BACH1: variants seen among roughly 807,000 people sequenced by gnomAD.
The protein encoded by BACH1 is transcription regulator protein BACH1.
Under a neutral mutation model 52.9 loss-of-function variants are expected in BACH1, and 35 were observed. The ratio of observed to expected loss-of-function variants is 0.66; its 90% CI spans 0.51 to 0.88. The LOEUF is 0.88. Ranked by LOEUF, BACH1 falls within the 40% of genes least tolerant of loss-of-function variation. The pLI is 0.00. For synonymous variants in BACH1, 321 were observed against 319.6 expected (o/e 1.00, Z -0.05); for missense variants, 808 against 872.6 (o/e 0.93, Z 0.93).
Position 29,344,448 on chromosome 21 carries a change from TGATCAG to T in BACH1, c.*1617_*1622del, listed in dbSNP as rs1330238197. ...GTAATTTGTCAAATGTTACCCTTTT[TGATCAG>T]GGTGTAGGGGGAGGATATTGCTAGT... On this transcript the variant is annotated 3_prime_UTR_variant, in exon 5 of 5. Transcript: ENST00000286800. 1 of 152,668 alleles carries T rather than the reference TGATCAG, an allele frequency of 6.6e-6. No individual in the cohort carries two copies. Among genetic ancestry groups the T allele is most frequent in the Non-Finnish European group, 1.5e-5 (1 of 68,038 alleles). The allele number at this position is 152,668 out of a possible 1,614,324, so 9.5% of individuals were successfully genotyped here.
chr21:29,337,964 A>C (rs1166022138), intron 4 of BACH1, among the ~76,000 whole-genome samples: 1 of 151,946 alleles, frequency 6.6e-6, no homozygotes, highest in Non-Finnish European at 1.5e-5. Context: ...AAAACAAAAA[A>C]AACGAGTTAA....
intron 4 of BACH1, among the ~76,000 whole-genome samples, chr21:29,338,331 A>G (rs1230650280): frequency 6.6e-6 from 1 of 152,168 alleles, no homozygotes; most frequent in Non-Finnish European, 1.5e-5. Context: ...TGTGTTACCA[A>G]TTTGGCATAC....
intron 3 of BACH1, among the ~76,000 whole-genome samples, chr21:29,327,856 A>G (rs2088933101): frequency 6.6e-6 from 1 of 152,186 alleles, no homozygotes; most frequent in African/African-American, 2.4e-5. Context: ...TAAATACCAA[A>G]AGAGAGAGAT....
chr21:29,335,912 C>G (rs945483092), intron 4 of BACH1, among the ~76,000 whole-genome samples: 2 of 152,150 alleles, frequency 1.3e-5, no homozygotes, highest in African/African-American at 2.4e-5. Context: ...TTGAAAGCTA[C>G]CATATTATGA....
rs1438300098 is a variant in BACH1, at chr21:29,345,723, A to G, written c.*2890A>G. 1.3e-5 allele frequency: 2 copies of G among 152,648 alleles called. No homozygotes were observed. The highest frequency in any genetic ancestry group is 4.8e-5 in the African/African-American group (2 of 41,472). The allele number at this position is 152,648 out of a possible 1,614,324, so 9.5% of individuals were successfully genotyped here. On this transcript the variant is annotated 3_prime_UTR_variant, in exon 5 of 5. Coordinates refer to ENST00000286800, the MANE Select transcript of BACH1 (RefSeq NM_001186.4). Reference sequence around the variant, plus strand: ...CTCAGTCACATTAACAACTTGGGAAAAAAATGGCAATGTTACGGTGAATTC... The same window carrying G: ...CTCAGTCACATTAACAACTTGGGAAGAAAATGGCAATGTTACGGTGAATTC...
chr21:29,330,490 A>C (rs1405935355), intron 4 of BACH1, among the ~76,000 whole-genome samples: 1 of 152,034 alleles, frequency 6.6e-6, no homozygotes, highest in Non-Finnish European at 1.5e-5. Flanking sequence ...CTTATTTTCT[A>C]TTCCAGCATC....
intron 4 of BACH1, among the ~76,000 whole-genome samples, chr21:29,338,935 T>C (rs1339366730): frequency 6.6e-6 from 1 of 152,212 alleles, no homozygotes; most frequent in Non-Finnish European, 1.5e-5. Context: ...TTTTCTGTAC[T>C]TTTTAAACTT....
intron 1 of BACH1, among the ~76,000 whole-genome samples, chr21:29,307,240 T>C (rs2088668827): frequency 6.6e-6 from 1 of 152,252 alleles, no homozygotes. Flanking sequence ...AAGGGAAAGC[T>C]GTCCCGTAGT....
chr21:29,352,147 T>TG (rs987642894), intron 2 of BACH1, among the ~76,000 whole-genome samples: 1 of 151,508 alleles, frequency 6.6e-6, no homozygotes, highest in Non-Finnish European at 1.5e-5. Context: ...CTCTGCCTCC[T>TG]GGGTTCAAGC....
At chr21:29,339,444 G>T (rs563996404) in intron 4 of BACH1, among the ~76,000 whole-genome samples, 53 of 152,052 alleles carry the variant, frequency 3.5e-4, no homozygotes, top group South Asian at 1.0e-3. Context: ...ACTTACTAAG[G>T]AACTATTAGT....
chr21:29,350,068 C>T (rs542998411), downstream of BACH1, among the ~76,000 whole-genome samples: 106 of 152,256 alleles, frequency 7.0e-4, no homozygotes, highest in African/African-American at 2.5e-3. Flanking sequence ...CAAGCCACAA[C>T]GATCCTCTAG....
intron 4 of BACH1, 133 bp from the exon 5 acceptor site, chr21:29,342,266 T>A: frequency 1.1e-6 from 1 of 893,312 alleles, no homozygotes; most frequent in Non-Finnish European, 1.7e-6. Context: ...AATGTATAAT[T>A]GAATGGAATT....
At chr21:29,299,539 C>T (rs1484881991) in intron 1 of BACH1, 1 of 152,246 alleles carries the variant, frequency 6.6e-6, no homozygotes, top group Non-Finnish European at 1.5e-5. Context: ...GACCGGAGAG[C>T]CCAGGACTCC....
intron 4 of BACH1, among the ~76,000 whole-genome samples, 175 bp downstream of exon 4, chr21:29,329,868 AAAG>A (rs1367765297): frequency 1.3e-5 from 2 of 152,276 alleles, no homozygotes; most frequent in African/African-American, 2.4e-5. Context: ...TGCTTTTTAA[AAAG>A]AAGGTTTTCA....
intron 2 of BACH1, among the ~76,000 whole-genome samples, chr21:29,355,052 G>T (rs181162144): frequency 9.4e-4 from 143 of 152,340 alleles, no homozygotes; most frequent in Middle Eastern, 3.4e-3. Flanking sequence ...CCACAGCATG[G>T]AAGGGGACCG....
chr21:29,322,898 G>GTAT (rs1371645715), intron 2 of BACH1, among the ~76,000 whole-genome samples: 1 of 152,184 alleles, frequency 6.6e-6, no homozygotes, highest in Non-Finnish European at 1.5e-5. Context: ...TAATGGAGAT[G>GTAT]TATTAACTAT....
chr21:29,326,167 G>T lies in BACH1; in HGVS notation c.343G>T (p.Val115Leu), dbSNP rs373065218. The T allele has an allele frequency of 6.2e-7, 1 of 1,614,036 alleles. No homozygotes were observed. The highest frequency in any genetic ancestry group is 8.5e-7 in the Non-Finnish European group (1 of 1,180,034). The change falls in exon 3 of 5, where the codon GTA becomes TTA. Residue 115 changes from valine (V) to leucine (L), a missense_variant. Val to Leu is a conservative substitution (Grantham distance 32). Coordinates refer to ENST00000286800, the MANE Select transcript of BACH1 (RefSeq NM_001186.4). ...EVCKCVEFLS[V>L]HNIEESCFQF... Reference sequence around the variant, plus strand: ...GTGCAAATGTGTGGAGTTTTTAAGTGTACATAATATTGAGGAATCCTGCTT... The same window carrying T: ...GTGCAAATGTGTGGAGTTTTTAAGTTTACATAATATTGAGGAATCCTGCTT...
intron 2 of BACH1, chr21:29,351,553 C>G: frequency 1.9e-6 from 1 of 515,494 alleles, no homozygotes; most frequent in Non-Finnish European, 4.0e-6. Flanking sequence ...GTGTTTTCAT[C>G]TCATTTGAGC....
intron 2 of BACH1, among the ~76,000 whole-genome samples, chr21:29,324,370 G>A (rs984311346): frequency 2.6e-5 from 4 of 151,880 alleles, no homozygotes; most frequent in Non-Finnish European, 5.9e-5. Context: ...CTAATCCATG[G>A]CAACCACTAA....
Sources: allele counts gnomAD v4.1 joint callset (sites outside exome capture counted in the v4.1 genomes callset), GRCh38; gene constraint gnomAD v4.1.1; transcripts MANE v1.5; gene names NCBI Gene and HGNC (gene_info 2026-07-23, HGNC 2026-07-21).